Variants in XKR4 observed in about 807,000 individuals in gnomAD.
XKR4 encodes the protein XK-related protein 4.
A neutral mutation model predicts 53.9 loss-of-function variants in XKR4; 12 were observed. The ratio of observed to expected loss-of-function variants is 0.22; its 90% CI spans 0.14 to 0.36. XKR4 has a LOEUF of 0.36. Ranked by LOEUF, XKR4 falls within the 10% of genes least tolerant of loss-of-function variation. The probability of loss-of-function intolerance (pLI) is 1.00; values close to 1 mark genes in which losing one functional copy is unlikely to be tolerated. For missense variants in XKR4, 799 were observed against 859.5 expected (o/e 0.93, Z 0.88); for synonymous variants, 354 against 362.4 (o/e 0.98, Z 0.26).
At chr8:55,208,382 A>G (rs1285705932) in intron 1 of XKR4, among the ~76,000 whole-genome samples, 2 of 152,318 alleles carry the variant, frequency 1.3e-5, no homozygotes, top group Non-Finnish European at 2.9e-5. Context: ...AAGAGAAAAT[A>G]CCTTTAAGTG....
At chr8:55,418,949 A>G (rs1804887797) in intron 2 of XKR4, among the ~76,000 whole-genome samples, 1 of 150,356 alleles carries the variant, frequency 6.7e-6, no homozygotes, top group South Asian at 2.1e-4. Context: ...TGTTCTTTAG[A>G]TTTGATTATT....
chr8:55,195,828 C>G (rs1410730074), intron 1 of XKR4, among the ~76,000 whole-genome samples: 1 of 152,158 alleles, frequency 6.6e-6, no homozygotes, highest in Non-Finnish European at 1.5e-5. Context: ...ACAAGGCTGC[C>G]CATCAAAGCA....
chr8:55,298,320 G>T (rs187035314), intron 1 of XKR4, among the ~76,000 whole-genome samples: 8 of 152,212 alleles, frequency 5.3e-5, no homozygotes, highest in Admixed American at 1.3e-4. Flanking sequence ...TGAATACATT[G>T]CCTGTGTTAG....
At chr8:55,184,064 C>G (rs1817346611) in intron 1 of XKR4, among the ~76,000 whole-genome samples, 1 of 152,122 alleles carries the variant, frequency 6.6e-6, no homozygotes, top group Non-Finnish European at 1.5e-5. Context: ...CACGTTTATT[C>G]TGCATCTACA....
At chr8:55,264,139 C>T (rs912579672) in intron 1 of XKR4, among the ~76,000 whole-genome samples, 3 of 152,150 alleles carry the variant, frequency 2.0e-5, no homozygotes, top group African/African-American at 7.2e-5. Flanking sequence ...GACTCAGGGC[C>T]TTGGCACCTG....
intron 1 of XKR4, among the ~76,000 whole-genome samples, chr8:55,134,788 CCCTTTGTTA>C (rs1816601945): frequency 6.6e-6 from 1 of 152,172 alleles, no homozygotes; most frequent in Non-Finnish European, 1.5e-5. Context: ...TTAGCTTATA[CCCTTTGTTA>C]AAATGCACAC....
chr8:55,507,603 G>T (rs997950913), intron 2 of XKR4, among the ~76,000 whole-genome samples: 26 of 152,128 alleles, frequency 1.7e-4, no homozygotes, highest in African/African-American at 6.3e-4. Flanking sequence ...GTGGTATTTG[G>T]TTTTTTGTCC....
chr8:55,460,603 C>T (rs999376878), intron 2 of XKR4, among the ~76,000 whole-genome samples: 22 of 152,176 alleles, frequency 1.4e-4, no homozygotes, highest in African/African-American at 4.8e-4. Flanking sequence ...GTATCGGGTT[C>T]ATCTCACTAG....
At chr8:55,522,760 T>C (rs1014046924) in intron 2 of XKR4, among the ~76,000 whole-genome samples, 2 of 152,170 alleles carry the variant, frequency 1.3e-5, no homozygotes, top group Non-Finnish European at 2.9e-5. Flanking sequence ...ATTTTCCCAC[T>C]TCACAAAATT....
At chr8:55,402,451 A>C (rs1481447847) in intron 2 of XKR4, among the ~76,000 whole-genome samples, 1 of 152,252 alleles carries the variant, frequency 6.6e-6, no homozygotes, top group Non-Finnish European at 1.5e-5. Flanking sequence ...ATGTGGGACC[A>C]AAAGAGTAGC....
At chr8:55,446,140 T>C (rs1805342973) in intron 2 of XKR4, among the ~76,000 whole-genome samples, 1 of 149,030 alleles carries the variant, frequency 6.7e-6, no homozygotes, top group Non-Finnish European at 1.5e-5. Context: ...CCTGAAACTA[T>C]AGCGTTATTC....
intron 1 of XKR4, among the ~76,000 whole-genome samples, chr8:55,253,219 C>T (rs1818384974): frequency 6.6e-6 from 1 of 151,500 alleles, no homozygotes; most frequent in Non-Finnish European, 1.5e-5. Flanking sequence ...TATTCTCTTC[C>T]TTCCTCAGCT....
intron 1 of XKR4, among the ~76,000 whole-genome samples, chr8:55,338,895 A>T (rs1314609671): frequency 6.6e-6 from 1 of 152,218 alleles, no homozygotes; most frequent in Non-Finnish European, 1.5e-5. Context: ...GGCCAGTAAG[A>T]TTGCTCCAGA....
rs1167137796 is a variant in XKR4 at position 55,541,719 on chromosome 8, G to A, written c.*17492G>A. 6.6e-6 allele frequency: 1 copy of A among 152,130 alleles called. No individual in the cohort carries two copies. The highest frequency in any genetic ancestry group is 1.9e-4 in the East Asian group (1 of 5,190). The allele number at this position is 152,130 out of a possible 1,614,324, so 9.4% of individuals were successfully genotyped here. Reference sequence around the variant, plus strand: ...ATGTATTTGGAATTTTATTTGAAATGGAGACTTAAACTAGTTATTAAATTT... The same window carrying A: ...ATGTATTTGGAATTTTATTTGAAATAGAGACTTAAACTAGTTATTAAATTT... On this transcript the variant is annotated 3_prime_UTR_variant, in exon 3 of 3. Transcript: ENST00000327381.
At chr8:55,195,363 T>C (rs1228330426) in intron 1 of XKR4, among the ~76,000 whole-genome samples, 3 of 141,260 alleles carry the variant, frequency 2.1e-5, no homozygotes, top group Non-Finnish European at 4.7e-5. Context: ...TTTTAGTTTG[T>C]ATACATACCT....
chr8:55,348,486 G>C (rs1008727569), intron 1 of XKR4, among the ~76,000 whole-genome samples: 1 of 152,196 alleles, frequency 6.6e-6, no homozygotes, highest in Admixed American at 6.5e-5. Flanking sequence ...AGACAAGACT[G>C]CTTGGCTTTT....
intron 2 of XKR4, among the ~76,000 whole-genome samples, chr8:55,393,402 A>AGAAG (rs36208673): frequency 0.04 from 5,794 of 144,566 alleles, 131 homozygotes; most frequent in Admixed American, 0.047. Flanking sequence ...ATACTTCTTA[A>AGAAG]GAAGGAAGGA....
intron 1 of XKR4, among the ~76,000 whole-genome samples, chr8:55,275,662 C>G (rs950087327): frequency 5.9e-5 from 9 of 152,190 alleles, no homozygotes; most frequent in African/African-American, 2.2e-4. Context: ...TTTGTTATTT[C>G]AAGAAGATAT....
intron 2 of XKR4, among the ~76,000 whole-genome samples, chr8:55,478,909 A>G (rs1466370551): frequency 1.3e-5 from 2 of 152,132 alleles, no homozygotes; most frequent in African/African-American, 4.8e-5. Context: ...GCAAGTCCTT[A>G]GTGACATACA....
Sources: allele counts gnomAD v4.1 joint callset (sites outside exome capture counted in the v4.1 genomes callset), GRCh38; gene constraint gnomAD v4.1.1; transcripts MANE v1.5; gene names NCBI Gene and HGNC (gene_info 2026-07-23, HGNC 2026-07-21).